The following LYST variants were observed in gnomAD, a reference collection of about 807,000 sequenced individuals.
LYST encodes the protein lysosomal trafficking regulator.
A neutral mutation model predicts 413.6 loss-of-function variants in LYST; 192 were observed. The observed-to-expected ratio is 0.46, with a 90% CI of 0.41 to 0.52. The LOEUF (loss-of-function observed/expected upper bound fraction) is 0.52. Among genes scored for constraint, LYST ranks in the 20% least tolerant of loss-of-function variants. LYST has a pLI of 0.00. For synonymous variants in LYST, 1,525 were observed against 1,567.3 expected, an observed-to-expected ratio of 0.97 and a Z score of 0.64; for missense variants, 3,815 against 4,499.9, an observed-to-expected ratio of 0.85 and a Z score of 4.35.
chr1:235,753,248 A>G lies in LYST; in HGVS notation c.7256T>C (p.Met2419Thr), dbSNP rs746279511. Residue 2419 changes from methionine to threonine, a missense_variant, in exon 26 of 53, where the codon ATG becomes ACG. Met to Thr is a moderately conservative substitution (Grantham distance 81, BLOSUM62 -1). Around this residue, in one of 4 missense-constraint regions of LYST, gnomAD observed 771 missense variants for 837.1 expected, o/e 0.92. Transcript: ENST00000389793. ...EEFDLEDVRN[M>T]GLFQKWSVIP... ...GACAGACCACTTCTGAAACAATCCC[A>G]TGTTTCTCACATCTTCCAGATCAAA... The G allele has an allele frequency of 6.2e-7, 1 of 1,602,702 alleles. No homozygotes were observed. Among genetic ancestry groups the G allele is most frequent in the East Asian group, 2.2e-5 (1 of 44,678 alleles).
chr1:235,854,684 C>T lies in LYST; in HGVS notation c.-98+12159G>A, dbSNP rs980625344. ...TAAACGAGATAATTCATGTAAAATG[C>T]ATAGCACAGTGCCTGGCAGATTGCA... On this transcript the variant is annotated intron_variant, in intron 1 of 52. Transcript: ENST00000389793. This position sits in a 1 kb window ranked among gnomAD's most constrained non-coding sequence, Gnocchi z 4.1. Among the ~76,000 whole-genome samples, 1 of 152,170 alleles carries T rather than the reference C, an allele frequency of 6.6e-6. No homozygotes were observed. The highest frequency in any genetic ancestry group is 2.4e-5 in the African/African-American group (1 of 41,432).
At chr1:235,828,185 T>C (rs1461459199) in intron 3 of LYST, 1 of 950,394 alleles carries the variant, frequency 1.1e-6, no homozygotes, top group South Asian at 4.9e-5. Flanking sequence ...TAGTAATACA[T>C]TAAAAGACAT....
chr1:235,744,042 A>C lies in LYST; in HGVS notation c.8088T>G (p.Ser2696=), dbSNP rs541016633. ...TTTCTTTCTGAAATGGATTGAAAAC[A>C]GAAGACTGTTCATGATGAATATTTT... The part of the protein sequence containing the change: ...SEENIHHEQS[S]VFNPFQKEIF... The change falls in exon 30 of 53, where the codon TCT becomes TCG. Residue 2696 remains serine (S), a synonymous_variant. Coordinates refer to ENST00000389793, the MANE Select transcript of LYST (RefSeq NM_000081.4). 1.4e-5 allele frequency: 22 copies of C among 1,578,316 alleles called. 2 individuals are homozygous for C. The African/African-American group carries it at 2.0e-4, about 14-fold the overall frequency.
intron 31 of LYST, chr1:235,737,918 T>TGAGGA: frequency 8.6e-7 from 1 of 1,164,680 alleles, no homozygotes; most frequent in Non-Finnish European, 1.1e-6. Flanking sequence ...TGCCGACGAG[T>TGAGGA]CTGGATCTCA....
At chr1:235,754,229 C>CTTTTTT (rs71576486) in intron 25 of LYST, among the ~76,000 whole-genome samples, 480 of 86,442 alleles carry the variant, frequency 5.6e-3, no homozygotes, top group Non-Finnish European at 8.1e-3. Flanking sequence ...CTTTTCTTTT[C>CTTTTTT]TTTTTTTTTT....
At chr1:235,663,141 G>A (rs1454821107) in intron 52 of LYST, 63 bp from the exon 53 acceptor site, 2 of 1,128,836 alleles carry the variant, frequency 1.8e-6, no homozygotes, top group Admixed American at 1.7e-5. Flanking sequence ...TAGCATATTG[G>A]TCATCATACT....
chr1:235,784,210 A>G (rs9970096), intron 14 of LYST, among the ~76,000 whole-genome samples: 75,982 of 152,094 alleles, frequency 0.5, 22,437 homozygotes, highest in African/African-American at 0.82. Context: ...ATAAAGTGAC[A>G]AAGATACTAG....
chr1:235,698,464 T>C (rs1661272578), intron 45 of LYST, among the ~76,000 whole-genome samples: 2 of 152,228 alleles, frequency 1.3e-5, no homozygotes, highest in Admixed American at 1.3e-4. Flanking sequence ...GCTTCAGGAA[T>C]GCTCATGTGG....
chr1:235,768,119 C>G (rs1222601376), intron 20 of LYST, among the ~76,000 whole-genome samples: 1 of 152,130 alleles, frequency 6.6e-6, no homozygotes, highest in Non-Finnish European at 1.5e-5. Flanking sequence ...GATGGCTTCA[C>G]TATTACCAGT....
At position 235,663,106 on chromosome 1, in the gene LYST, T is replaced by C. The variant is rs572047441; in HGVS notation, c.11268-28A>G. On this transcript the variant is annotated intron_variant, in intron 52 of 52. Coordinates refer to ENST00000389793, the MANE Select transcript of LYST (RefSeq NM_000081.4). ...GTAAAAAAAAAAAAATTCCCATTTG[T>C]ACATTATATTTCTTAAAAGTGTATT... 5.1e-5 allele frequency: 73 copies of C among 1,443,562 alleles called. No individual in the cohort carries two copies. The African/African-American group carries it at 9.0e-4, about 18-fold the overall frequency. The allele number at this position is 1,443,562 out of a possible 1,614,324, so 89.4% of individuals were successfully genotyped here. A position where few individuals can be genotyped will look rare whatever the true frequency, so the allele number is the denominator to read the frequency against.
At chr1:235,747,847 A>G (rs913462901) in intron 28 of LYST, among the ~76,000 whole-genome samples, 4 of 152,216 alleles carry the variant, frequency 2.6e-5, no homozygotes, top group Admixed American at 6.5e-5. Context: ...TTTCTCATGC[A>G]TAAGATGTGG....
chr1:235,829,245 G>A (rs142346840), intron 3 of LYST, among the ~76,000 whole-genome samples: 164 of 152,260 alleles, frequency 1.1e-3, no homozygotes, highest in South Asian at 7.7e-3. Flanking sequence ...AAAATTCCAT[G>A]ACAAGTAAAT....
Position 235,786,815 on chromosome 1 carries a change from C to T in LYST, c.4862+385G>A, listed in dbSNP as rs192853419. On this transcript the variant is annotated intron_variant, in intron 14 of 52. Coordinates refer to ENST00000389793, the MANE Select transcript of LYST (RefSeq NM_000081.4). Reference sequence around the variant, plus strand: ...ATCGCAAGGACAAAAAACCAAACACCGCATGTTCTCACTCATAGGTGGGAA... The same window carrying T: ...ATCGCAAGGACAAAAAACCAAACACTGCATGTTCTCACTCATAGGTGGGAA... Among the ~76,000 whole-genome samples the T allele has an allele frequency of 7.8e-4, 115 of 147,814 alleles. 1 individual carries two copies. In the East Asian group the frequency reaches 0.019, roughly 25 times the overall value.
chr1:235,746,013 C>T (rs1665888436), intron 29 of LYST, among the ~76,000 whole-genome samples: 1 of 152,088 alleles, frequency 6.6e-6, no homozygotes, highest in Admixed American at 6.6e-5. Flanking sequence ...CTGCAAGATT[C>T]ATGGGGGAAA....
intron 31 of LYST, chr1:235,737,919 C>CGCG: frequency 3.4e-6 from 4 of 1,160,712 alleles, no homozygotes; most frequent in Admixed American, 4.5e-5. Flanking sequence ...GCCGACGAGT[C>CGCG]TGGATCTCAC....
intron 45 of LYST, among the ~76,000 whole-genome samples, chr1:235,699,637 C>T (rs958125600): frequency 3.3e-5 from 5 of 152,158 alleles, no homozygotes; most frequent in Non-Finnish European, 4.4e-5. Flanking sequence ...GGTTCTAGAT[C>T]CTTGAGGAAT....
At chr1:235,844,382 C>T (rs1386563867) in intron 1 of LYST, among the ~76,000 whole-genome samples, 1 of 152,188 alleles carries the variant, frequency 6.6e-6, no homozygotes, top group African/African-American at 2.4e-5. Flanking sequence ...ATCATATTCT[C>T]TAACCCCACA....
intron 3 of LYST, among the ~76,000 whole-genome samples, chr1:235,824,129 T>C (rs1248893181): frequency 6.6e-6 from 1 of 152,246 alleles, no homozygotes; most frequent in Non-Finnish European, 1.5e-5. Context: ...CTCTCCTACA[T>C]AGAAAATAGC....
intron 39 of LYST, 21 bp from the exon 40 acceptor site, chr1:235,720,926 A>G: frequency 6.2e-7 from 1 of 1,611,094 alleles, no homozygotes; most frequent in Non-Finnish European, 8.5e-7. Context: ...AGGAGAAGAA[A>G]AAAACCCAGA....
Sources: allele counts gnomAD v4.1 joint callset (sites outside exome capture counted in the v4.1 genomes callset), GRCh38; gene constraint gnomAD v4.1.1; regional missense constraint gnomAD v4.1.1; non-coding constraint Gnocchi (gnomAD v3.1); transcripts MANE v1.5; gene names NCBI Gene and HGNC (gene_info 2026-07-23, HGNC 2026-07-21).